ULK4: variants seen among roughly 807,000 people sequenced by gnomAD.
ULK4 encodes unc-51 like kinase 4.
A neutral mutation model predicts 160.6 loss-of-function variants in ULK4; 133 were observed. That is an observed-to-expected ratio of 0.83 (90% CI 0.72 to 0.96). The LOEUF is 0.96. Ranked by LOEUF, ULK4 falls within the 40% of genes least tolerant of loss-of-function variation. ULK4 has a pLI of 0.00. For synonymous variants in ULK4, 534 were observed against 539.8 expected, an observed-to-expected ratio of 0.99 and a Z score of 0.15; for missense variants, 1,580 against 1,499.5, an observed-to-expected ratio of 1.05 and a Z score of -0.89.
chr3:41,882,858 C>T (rs1697573998), intron 17 of ULK4, among the ~76,000 whole-genome samples: 1 of 152,154 alleles, frequency 6.6e-6, no homozygotes, highest in South Asian at 2.1e-4. Context: ...AGATCCTAAG[C>T]CTTCTCATCT....
At chr3:41,434,353 G>A (rs12152442) in intron 34 of ULK4, among the ~76,000 whole-genome samples, 80,823 of 151,914 alleles carry the variant, frequency 0.53, 21,930 homozygotes, top group East Asian at 0.69. Context: ...AAAATATATT[G>A]AGAAATGGGA....
chr3:41,454,357 T>A (rs1375554592), intron 34 of ULK4, among the ~76,000 whole-genome samples: 1 of 150,414 alleles, frequency 6.6e-6, no homozygotes, highest in Non-Finnish European at 1.5e-5. Flanking sequence ...CTGGACAATA[T>A]GGTGAAACCC....
intron 32 of ULK4, among the ~76,000 whole-genome samples, chr3:41,514,287 TA>T (rs2085681044): frequency 6.6e-6 from 1 of 152,154 alleles, no homozygotes; most frequent in Non-Finnish European, 1.5e-5. Context: ...GATTTTAACA[TA>T]AAAAGTAATA....
intron 32 of ULK4, among the ~76,000 whole-genome samples, chr3:41,541,362 C>T (rs1326365546): frequency 2.6e-5 from 4 of 152,084 alleles, no homozygotes; most frequent in East Asian, 3.9e-4. Flanking sequence ...ATTTCTGAGG[C>T]GTCCGTTCTG....
intron 31 of ULK4, among the ~76,000 whole-genome samples, chr3:41,572,487 A>C (rs1267087): frequency 1.1e-4 from 16 of 151,838 alleles, no homozygotes; most frequent in African/African-American, 3.4e-4. Flanking sequence ...CTGTAAGATA[A>C]ATAACCCACA....
At chr3:41,871,961 A>G (rs1697110973) in intron 17 of ULK4, among the ~76,000 whole-genome samples, 1 of 152,196 alleles carries the variant, frequency 6.6e-6, no homozygotes. Context: ...AATATATAAT[A>G]AAGACTCTGG....
At chr3:41,815,884 ACT>A (rs1267200112) in intron 19 of ULK4, among the ~76,000 whole-genome samples, 2 of 152,182 alleles carry the variant, frequency 1.3e-5, no homozygotes, top group East Asian at 3.8e-4. Context: ...AATGTAATAG[ACT>A]CTCTTAGTGA....
chr3:41,673,687 T>C (rs1419331776), intron 29 of ULK4, among the ~76,000 whole-genome samples: 2 of 147,098 alleles, frequency 1.4e-5, no homozygotes, highest in East Asian at 2.0e-4. Flanking sequence ...TATATATATA[T>C]ACATACATAC....
intron 17 of ULK4, among the ~76,000 whole-genome samples, chr3:41,840,219 A>T (rs2041869411): frequency 6.6e-6 from 1 of 152,196 alleles, no homozygotes; most frequent in South Asian, 2.1e-4. Context: ...GCTTGAGTTC[A>T]GGTGTTTGAG....
intron 32 of ULK4, among the ~76,000 whole-genome samples, chr3:41,528,536 C>T (rs1437542190): frequency 6.6e-6 from 1 of 152,112 alleles, no homozygotes; most frequent in East Asian, 1.9e-4. Flanking sequence ...TTATTATGGC[C>T]ACTTTACAAT....
chr3:41,549,287 AAAAC>A (rs60648908), intron 32 of ULK4, among the ~76,000 whole-genome samples: 67,970 of 151,634 alleles, frequency 0.45, 15,882 homozygotes, highest in Middle Eastern at 0.54. Flanking sequence ...ACAAATGAAC[AAAAC>A]AAATAGAAAA....
chr3:41,780,740 G>A (rs2039812666), intron 21 of ULK4, among the ~76,000 whole-genome samples: 1 of 152,132 alleles, frequency 6.6e-6, no homozygotes, highest in Non-Finnish European at 1.5e-5. Context: ...ACTGCACTTA[G>A]GGAACCCCAA....
chr3:41,766,485 T>G (rs2039166217), intron 21 of ULK4: 1 of 152,220 alleles, frequency 6.6e-6, no homozygotes, highest in Non-Finnish European at 1.5e-5. Context: ...CGGGGAGCCT[T>G]TCACCTCATA....
intron 32 of ULK4, among the ~76,000 whole-genome samples, chr3:41,485,281 G>C (rs2084483549): frequency 6.6e-6 from 1 of 152,146 alleles, no homozygotes; most frequent in Admixed American, 6.5e-5. Flanking sequence ...TTTAAAGTGG[G>C]AATGCAACAA....
intron 25 of ULK4, among the ~76,000 whole-genome samples, chr3:41,710,104 CAT>C (rs890731292): frequency 6.6e-6 from 1 of 151,488 alleles, no homozygotes; most frequent in Non-Finnish European, 1.5e-5. Context: ...GTCTTTTTCA[CAT>C]ATATATATAT....
rs577407663 is a variant in ULK4, at chr3:41,808,406, A to G, written c.1849-8113T>C. 7.2e-5 allele frequency among the ~76,000 whole-genome samples: 11 copies of G among 152,274 alleles called. No individual in the cohort carries two copies. The South Asian group carries it at 2.1e-3, about 29-fold the overall frequency. ...GCCATGTGTCATCCCAGTGCTCTGT[A>G]AACTCAGTGAGGTTGTCAGGCCAAT... On this transcript the variant is annotated intron_variant, in intron 19 of 36. Transcript: ENST00000301831.
intron 31 of ULK4, among the ~76,000 whole-genome samples, chr3:41,614,035 C>T (rs745759505): frequency 1.1e-4 from 16 of 152,182 alleles, no homozygotes; most frequent in Admixed American, 2.0e-4. Context: ...ATACAAAACA[C>T]TTGTTGGGTG....
chr3:41,586,487 T>C (rs1320423340), intron 31 of ULK4, among the ~76,000 whole-genome samples: 3 of 152,020 alleles, frequency 2.0e-5, no homozygotes, highest in Non-Finnish European at 2.9e-5. Context: ...GCAAAGAGAT[T>C]AAGGGAGGGA....
At chr3:41,548,443 C>T (rs889420794) in intron 32 of ULK4, among the ~76,000 whole-genome samples, 6 of 152,074 alleles carry the variant, frequency 3.9e-5, no homozygotes, top group Admixed American at 1.3e-4. Flanking sequence ...AAGACATAGC[C>T]TACCTGCCAC....
Sources: allele counts gnomAD v4.1 joint callset (sites outside exome capture counted in the v4.1 genomes callset), GRCh38; gene constraint gnomAD v4.1.1; transcripts MANE v1.5; gene names NCBI Gene and HGNC (gene_info 2026-07-23, HGNC 2026-07-21).